The following GRM7 variants were observed in gnomAD, a reference collection of about 807,000 sequenced individuals.
GRM7 encodes the protein glutamate metabotropic receptor 7.
GRM7 carries 35 observed loss-of-function variants against 84.5 expected under a neutral mutation model. The ratio of observed to expected loss-of-function variants is 0.41; its 90% CI spans 0.32 to 0.55. GRM7 has a LOEUF of 0.55. GRM7 is among the 20% of genes least tolerant of loss of function. GRM7 has a pLI of 0.19. For missense variants in GRM7, 1,003 were observed against 1,194.6 expected, an observed-to-expected ratio of 0.84 and a Z score of 2.36; for synonymous variants, 487 against 455.1, an observed-to-expected ratio of 1.07 and a Z score of -0.89.
intron 8 of GRM7, among the ~76,000 whole-genome samples, chr3:7,589,609 G>A (rs1248184565): frequency 6.6e-6 from 1 of 152,122 alleles, no homozygotes; most frequent in African/African-American, 2.4e-5. Context: ...TTATTCCAGG[G>A]TTGAGAGCTG....
intron 1 of GRM7, among the ~76,000 whole-genome samples, chr3:7,061,740 C>A (rs191637515): frequency 6.6e-6 from 1 of 151,618 alleles, no homozygotes; most frequent in Non-Finnish European, 1.5e-5. Context: ...GAGTGCTTTG[C>A]ATACACAACC....
In GRM7 at chr3:7,452,653, A is replaced by T; in HGVS notation, c.1221A>T (p.Lys407Asn). 6.2e-7 allele frequency: 1 copy of T among 1,613,594 alleles called. No individual in the cohort carries two copies. The highest frequency in any genetic ancestry group is 8.5e-7 in the Non-Finnish European group (1 of 1,179,648). Reference sequence around the variant, plus strand: ...ATTCCAACTATGAGCAGGAGGGTAAAGTCCAGTTCGTGATTGACGCAGTCT... The same window carrying T: ...ATTCCAACTATGAGCAGGAGGGTAATGTCCAGTTCGTGATTGACGCAGTCT... ...GKDSNYEQEG[K>N]VQFVIDAVYA... Residue 407 changes from lysine to asparagine, a missense_variant, in exon 6 of 10, where the codon AAA (lysine) becomes AAT (asparagine). Lys to Asn is a moderately conservative substitution (Grantham distance 94, BLOSUM62 0). Coordinates refer to ENST00000357716, the MANE Select transcript of GRM7 (RefSeq NM_000844.4).
chr3:7,135,442 T>C (rs1408069974), intron 1 of GRM7, among the ~76,000 whole-genome samples: 2 of 152,222 alleles, frequency 1.3e-5, no homozygotes, highest in South Asian at 2.1e-4. Flanking sequence ...TAATTGCACA[T>C]GATACTTTCA....
intron 1 of GRM7, among the ~76,000 whole-genome samples, chr3:6,972,368 C>T (rs1260044578): frequency 1.3e-5 from 2 of 152,132 alleles, no homozygotes; most frequent in Non-Finnish European, 2.9e-5. Context: ...GTCCGTGTTT[C>T]TTCGTCTTCT....
rs7645351 is a variant in GRM7 at position 7,424,996 on chromosome 3, A to G, written c.1174+9833A>G. On this transcript the variant is annotated intron_variant, in intron 5 of 9. Transcript: ENST00000357716. ...TTCAGATGGATCAACCCAATGGTAC[A>G]TAGAGCTTATTTCTCCCTATGCTGT... Among the ~76,000 whole-genome samples the G allele has an allele frequency of 3.9e-3, 587 of 152,310 alleles. 2 individuals carry two copies. The highest frequency in any genetic ancestry group is 0.013 in the African/African-American group (552 of 41,582).
At chr3:7,032,421 G>A (rs1696224670) in intron 1 of GRM7, among the ~76,000 whole-genome samples, 1 of 152,166 alleles carries the variant, frequency 6.6e-6, no homozygotes, top group Non-Finnish European at 1.5e-5. Context: ...ATAGACAAAA[G>A]CACTTAGGAG....
intron 4 of GRM7, among the ~76,000 whole-genome samples, chr3:7,370,673 T>A (rs1236077702): frequency 2.0e-5 from 3 of 152,124 alleles, no homozygotes; most frequent in African/African-American, 7.2e-5. Context: ...ACAAAAAGAA[T>A]AATGTCTAAA....
intron 1 of GRM7, among the ~76,000 whole-genome samples, chr3:7,088,122 C>A (rs941745540): frequency 8.6e-5 from 13 of 151,790 alleles, no homozygotes; most frequent in African/African-American, 2.4e-4. Flanking sequence ...AGCAATGAAC[C>A]TGCGGATGAT....
In GRM7 at chr3:7,299,275, C is replaced by G. The variant is rs528027265; in HGVS notation, c.878+450C>G. On this transcript the variant is annotated intron_variant, in intron 3 of 9. Transcript: ENST00000357716. ...TTCTTTTTTCTTTTCAGAACTTGAT[C>G]TTTCTTGGACTCAAAAATCTGCTTG... Among the ~76,000 whole-genome samples the G allele has an allele frequency of 2.3e-4, 35 of 152,140 alleles. 2 individuals carry two copies. The highest frequency in any genetic ancestry group is 3.9e-4 in the Admixed American group (6 of 15,270).
chr3:7,236,660 A>G (rs1315087505), intron 2 of GRM7, among the ~76,000 whole-genome samples: 2 of 152,216 alleles, frequency 1.3e-5, no homozygotes, highest in Non-Finnish European at 2.9e-5. Flanking sequence ...TAGCAGGTAG[A>G]TAATAAGTGA....
At chr3:7,013,651 C>T (rs1405024053) in intron 1 of GRM7, among the ~76,000 whole-genome samples, 4 of 151,924 alleles carry the variant, frequency 2.6e-5, no homozygotes, top group African/African-American at 7.3e-5. Context: ...CGTGGTGGTG[C>T]GTGCCTGTGA....
intron 1 of GRM7, among the ~76,000 whole-genome samples, chr3:7,128,424 G>A (rs549414241): frequency 5.1e-4 from 77 of 151,374 alleles, no homozygotes; most frequent in African/African-American, 1.6e-3. Context: ...GAATCTCATG[G>A]GTTCTTATTT....
intron 1 of GRM7, among the ~76,000 whole-genome samples, chr3:7,000,749 T>A (rs1000664906): frequency 2.0e-5 from 3 of 152,136 alleles, no homozygotes; most frequent in African/African-American, 7.2e-5. Flanking sequence ...GAGTGGCTAC[T>A]CTTTAGGACA....
intron 4 of GRM7, among the ~76,000 whole-genome samples, chr3:7,396,394 A>T (rs927463272): frequency 5.3e-5 from 8 of 152,158 alleles, no homozygotes; most frequent in Non-Finnish European, 1.2e-4. Context: ...CTTCCTTTTT[A>T]AGAAATACTT....
intron 7 of GRM7, among the ~76,000 whole-genome samples, chr3:7,480,985 G>C (rs1043946467): frequency 1.1e-4 from 16 of 152,158 alleles, no homozygotes; most frequent in Admixed American, 7.2e-4. Flanking sequence ...AGTACCTAGA[G>C]GAGAGTAATA....
intron 1 of GRM7, among the ~76,000 whole-genome samples, chr3:6,882,814 C>T (rs990358320): frequency 4.6e-5 from 7 of 152,172 alleles, no homozygotes; most frequent in African/African-American, 7.2e-5. Flanking sequence ...TCATTATTTA[C>T]GTAGCCAGTT....
At chr3:7,638,362 C>T (rs1698195888) in intron 8 of GRM7, among the ~76,000 whole-genome samples, 1 of 151,882 alleles carries the variant, frequency 6.6e-6, no homozygotes, top group Admixed American at 6.6e-5. Flanking sequence ...AATTAATTTA[C>T]TTGATACTCA....
chr3:7,100,325 G>C (rs1699066974), intron 1 of GRM7, among the ~76,000 whole-genome samples: 1 of 151,558 alleles, frequency 6.6e-6, no homozygotes, highest in East Asian at 1.9e-4. Flanking sequence ...TTCAGTTTAG[G>C]CACTTCCTGA....
At chr3:7,080,567 C>T (rs1015180340) in intron 1 of GRM7, among the ~76,000 whole-genome samples, 2 of 152,056 alleles carry the variant, frequency 1.3e-5, no homozygotes, top group African/African-American at 4.8e-5. Context: ...AATGCCCTTT[C>T]TTATATACTG....
Sources: allele counts gnomAD v4.1 joint callset (sites outside exome capture counted in the v4.1 genomes callset), GRCh38; gene constraint gnomAD v4.1.1; transcripts MANE v1.5; gene names NCBI Gene and HGNC (gene_info 2026-07-23, HGNC 2026-07-21).